Variants in ADGRV1 observed in about 807,000 individuals in gnomAD.
The protein encoded by ADGRV1 is adhesion G protein-coupled receptor V1.
In ADGRV1, 359 loss-of-function variants were observed where a neutral mutation model predicts 596.2. The ratio of observed to expected loss-of-function variants is 0.60; its 90% CI spans 0.55 to 0.66. ADGRV1 has a LOEUF of 0.66. ADGRV1 is among the 30% of genes least tolerant of loss of function. The pLI is 0.00. For missense variants in ADGRV1, 7,274 were observed against 7,575.6 expected, an observed-to-expected ratio of 0.96 and a Z score of 1.48; for synonymous variants, 2,681 against 2,679.2, an observed-to-expected ratio of 1.00 and a Z score of -0.02.
intron 42 of ADGRV1, among the ~76,000 whole-genome samples, chr5:90,712,724 A>T (rs758386972): frequency 2.0e-5 from 3 of 152,058 alleles, no homozygotes; most frequent in Non-Finnish European, 4.4e-5. Context: ...TTGGAATTTG[A>T]ATTTTGTTCT....
chr5:90,972,615 C>T (rs1030285666), intron 84 of ADGRV1, among the ~76,000 whole-genome samples: 17 of 152,108 alleles, frequency 1.1e-4, no homozygotes, highest in East Asian at 1.9e-4. Flanking sequence ...GGGTAAATAA[C>T]GAAGTGAAGG....
At chr5:90,922,982 C>T (rs949094269) in intron 83 of ADGRV1, among the ~76,000 whole-genome samples, 3 of 152,056 alleles carry the variant, frequency 2.0e-5, no homozygotes, top group African/African-American at 7.2e-5. Flanking sequence ...TAAATTTATA[C>T]TGAGGGACTT....
At chr5:90,636,018 T>G (rs1360100073) in intron 10 of ADGRV1, among the ~76,000 whole-genome samples, 1 of 152,014 alleles carries the variant, frequency 6.6e-6, no homozygotes, top group Non-Finnish European at 1.5e-5. Context: ...TTGGGCCTTA[T>G]GCTTGATGAT....
intron 83 of ADGRV1, among the ~76,000 whole-genome samples, chr5:90,963,445 T>G (rs1168424649): frequency 3.9e-5 from 6 of 152,246 alleles, no homozygotes; most frequent in African/African-American, 1.2e-4. Context: ...AGCTATGTTG[T>G]GGTGCATTCT....
intron 17 of ADGRV1, among the ~76,000 whole-genome samples, chr5:90,650,345 C>G (rs1204813601): frequency 2.0e-5 from 3 of 152,194 alleles, no homozygotes; most frequent in Non-Finnish European, 4.4e-5. Flanking sequence ...ATAATAGAAC[C>G]CTGCCAAAAT....
Position 91,160,195 on chromosome 5 carries a change from G to C in ADGRV1, c.18803-3587G>C, listed in dbSNP as rs778248599. ...ACAAATGAAAACATTCAGAATCAAG[G>C]CCCAAAATACTCAAACTTCTCCAAG... On this transcript the variant is annotated intron_variant, in intron 89 of 89. Coordinates refer to ENST00000405460, the MANE Select transcript of ADGRV1 (RefSeq NM_032119.4). Among the ~76,000 whole-genome samples the C allele has an allele frequency of 7.9e-5, 12 of 152,194 alleles. No individual in the cohort carries two copies. The South Asian group carries it at 1.5e-3, about 18-fold the overall frequency.
At chr5:90,593,773 T>C (rs1410625689) in intron 1 of ADGRV1, among the ~76,000 whole-genome samples, 1 of 152,134 alleles carries the variant, frequency 6.6e-6, no homozygotes. Context: ...AAAAAAAATC[T>C]TTTATCATTA....
At position 91,159,459 on chromosome 5, in the gene ADGRV1, T is replaced by C. The variant is rs1796759251; in HGVS notation, c.18803-4323T>C. Among the ~76,000 whole-genome samples the C allele has an allele frequency of 2.0e-5, 3 of 152,220 alleles. No individual in the cohort carries two copies. The South Asian group carries it at 6.2e-4, about 31-fold the overall frequency. ...GAAGCCCTGGCCCATAAAACAGTCA[T>C]GGACTTCTTTTTCAATCTAATTTTA... is the stretch of plus-strand genomic sequence containing the variant. On this transcript the variant is annotated intron_variant, in intron 89 of 89. Coordinates refer to ENST00000405460, the MANE Select transcript of ADGRV1 (RefSeq NM_032119.4).
chr5:90,761,686 A>G (rs917405836), intron 58 of ADGRV1, among the ~76,000 whole-genome samples: 7 of 152,244 alleles, frequency 4.6e-5, no homozygotes, highest in African/African-American at 1.2e-4. Context: ...ATATCGTTAC[A>G]GCTACAAATT....
chr5:90,774,311 A>G lies in ADGRV1; in HGVS notation c.12403+8A>G. 7.0e-7 allele frequency: 1 copy of G among 1,437,886 alleles called. No individual in the cohort carries two copies. Among genetic ancestry groups the G allele is most frequent in the Non-Finnish European group, 9.8e-7 (1 of 1,020,850 alleles). The allele number at this position is 1,437,886 out of a possible 1,614,324, so 89.1% of individuals were successfully genotyped here. ...AAATATCTCCAGTAAAAGGTAAGAG[A>G]AATTCACATTTTTGGAAATTAAAAA... On this transcript the variant is annotated splice_region_variant and intron_variant, in intron 60 of 89. Transcript: ENST00000405460.
chr5:90,925,841 AG>A (rs1462168547), intron 83 of ADGRV1, among the ~76,000 whole-genome samples: 23 of 126,524 alleles, frequency 1.8e-4, no homozygotes, highest in African/African-American at 5.9e-4. Context: ...TTTAGCATGA[AG>A]GGTTGTTGAA....
At chr5:90,707,508 G>A (rs1038282213) in intron 38 of ADGRV1, among the ~76,000 whole-genome samples, 12 of 152,070 alleles carry the variant, frequency 7.9e-5, no homozygotes, top group African/African-American at 2.7e-4. Context: ...AACTTATTTT[G>A]TTGATTACTG....
At chr5:91,046,371 C>T (rs1470480709) in intron 85 of ADGRV1, among the ~76,000 whole-genome samples, 1 of 151,786 alleles carries the variant, frequency 6.6e-6, no homozygotes, top group African/African-American at 2.4e-5. Flanking sequence ...TCAAATACAG[C>T]CAACTGATCT....
At chr5:90,883,287 T>C (rs1441888399) in intron 83 of ADGRV1, among the ~76,000 whole-genome samples, 3 of 152,160 alleles carry the variant, frequency 2.0e-5, no homozygotes, top group Non-Finnish European at 2.9e-5. Context: ...CCTCCTAGAA[T>C]AGCTCCATGG....
intron 9 of ADGRV1, among the ~76,000 whole-genome samples, chr5:90,631,419 C>T (rs911467965): frequency 2.6e-5 from 4 of 152,006 alleles, no homozygotes; most frequent in Non-Finnish European, 5.9e-5. Flanking sequence ...TGACCTGTTA[C>T]GGGGATGTAG....
intron 83 of ADGRV1, among the ~76,000 whole-genome samples, chr5:90,883,908 C>A (rs1770033783): frequency 6.6e-6 from 1 of 152,102 alleles, no homozygotes; most frequent in Non-Finnish European, 1.5e-5. Context: ...CAGTCGAGTT[C>A]TCTTCTCCTC....
rs1455088197 is a variant in ADGRV1 at position 90,759,567 on chromosome 5, A to C, written c.12099A>C (p.Val4033=). The C allele has an allele frequency of 1.2e-6, 2 of 1,613,422 alleles. No individual in the cohort carries two copies. The change falls in exon 58 of 90, where the codon GTA becomes GTC. Residue 4033 remains valine (V), a synonymous_variant. Transcript: ENST00000405460. ...CACAAAATGATTCTCCATTTGGAGT[A>C]TTTGGATTTGAAGAAAAGACTGTAA... ...VIPQNDSPFG[V]FGFEEKTVMI...
intron 87 of ADGRV1, among the ~76,000 whole-genome samples, chr5:91,103,448 T>C (rs948683910): frequency 2.0e-5 from 3 of 150,218 alleles, no homozygotes; most frequent in African/African-American, 7.4e-5. Flanking sequence ...AGAGAGCATT[T>C]TGAGAGTGAG....
chr5:90,572,774 G>A (rs1189859112), intron 1 of ADGRV1, among the ~76,000 whole-genome samples: 1 of 152,144 alleles, frequency 6.6e-6, no homozygotes, highest in Non-Finnish European at 1.5e-5. Context: ...GACTAGCCTT[G>A]GAAAAGGGAA....
Sources: allele counts gnomAD v4.1 joint callset (sites outside exome capture counted in the v4.1 genomes callset), GRCh38; gene constraint gnomAD v4.1.1; transcripts MANE v1.5; gene names NCBI Gene and HGNC (gene_info 2026-07-23, HGNC 2026-07-21).